The following RALGAPA1 variants were observed in gnomAD, a reference collection of about 807,000 sequenced individuals.
The protein encoded by RALGAPA1 is Ral GTPase activating protein catalytic subunit alpha 1.
RALGAPA1 carries 52 observed loss-of-function variants against 269.6 expected under a neutral mutation model. The ratio of observed to expected loss-of-function variants is 0.19; its 90% CI spans 0.15 to 0.24. RALGAPA1 has a LOEUF of 0.24. RALGAPA1 is among the 10% of genes least tolerant of loss of function. The pLI is 1.00. For synonymous variants in RALGAPA1, 817 were observed against 1,008.3 expected (o/e 0.81, Z 3.60); for missense variants, 1,917 against 3,013.9 (o/e 0.64, Z 8.52).
rs1223937961 is a variant in RALGAPA1 at position 35,775,624 on chromosome 14, T to C, written c.217+11A>G. On this transcript the variant is annotated intron_variant, in intron 2 of 41. Coordinates refer to ENST00000680220, the MANE Select transcript of RALGAPA1 (RefSeq NM_001346249.2). ...TATTAACATACGCCAAGATATATGT[T>C]AGCATCTTACCTTTCTGTTTAAGAC... The C allele has an allele frequency of 6.4e-7, 1 of 1,564,634 alleles. No individual in the cohort carries two copies. The highest frequency in any genetic ancestry group is 1.4e-5 in the African/African-American group (1 of 71,038).
In RALGAPA1 at chr14:35,615,928, T is replaced by C. The variant is rs568211540; in HGVS notation, c.6929+9433A>G. Among the ~76,000 whole-genome samples the C allele has an allele frequency of 4.6e-5, 7 of 152,152 alleles. No homozygotes were observed. The South Asian group carries it at 1.5e-3, about 32-fold the overall frequency. ...CATCAAATTTTAACATTAGAAAGAT[T>C]ATGTTAGTGGTCAGGATTGTCTAGA... On this transcript the variant is annotated intron_variant, in intron 35 of 41. Transcript: ENST00000680220.
At chr14:35,553,977 C>T (rs2055283096) in intron 39 of RALGAPA1, among the ~76,000 whole-genome samples, 1 of 152,140 alleles carries the variant, frequency 6.6e-6, no homozygotes, top group Non-Finnish European at 1.5e-5. Flanking sequence ...AGTTTCAGCA[C>T]TTAGGAATTT....
At position 35,709,300 on chromosome 14, in the gene RALGAPA1, G is replaced by A. The variant is rs569738703; in HGVS notation, c.2267-8998C>T. 1.6e-3 allele frequency among the ~76,000 whole-genome samples: 242 copies of A among 152,008 alleles called. 1 individual carries two copies. The highest frequency in any genetic ancestry group is 2.9e-3 in the Non-Finnish European group (194 of 67,942). On this transcript the variant is annotated intron_variant, in intron 16 of 41. Coordinates refer to ENST00000680220, the MANE Select transcript of RALGAPA1 (RefSeq NM_001346249.2). Reference sequence around the variant, plus strand: ...CCATTTACACTGATGTGATTAATACGCATTGTACTCCTGTATCAAAATATC... The same window carrying A: ...CCATTTACACTGATGTGATTAATACACATTGTACTCCTGTATCAAAATATC...
chr14:35,752,901 G>C (rs2072853656), intron 7 of RALGAPA1, among the ~76,000 whole-genome samples: 1 of 152,182 alleles, frequency 6.6e-6, no homozygotes, highest in South Asian at 2.1e-4. Context: ...ACAGGTAAGA[G>C]TTATAAATAT....
chr14:35,541,881 GAC>G (rs2054039610), intron 41 of RALGAPA1: 4 of 477,980 alleles, frequency 8.4e-6, no homozygotes, highest in Non-Finnish European at 8.1e-6. Flanking sequence ...AGATATGAGA[GAC>G]ACAGTGCAGA....
rs752906855 is a variant in RALGAPA1 at position 35,685,154 on chromosome 14, T to C, written c.4078-9A>G. ...CCTCTTCTTGTCATAGTCTAAACGT[T>C]CAAGAAATATTTTACCATTAAGAAA... On this transcript the variant is annotated splice_polypyrimidine_tract_variant and intron_variant, in intron 19 of 41. Transcript: ENST00000680220. 2 of 1,550,716 alleles carry C rather than the reference T, an allele frequency of 1.3e-6. No homozygotes were observed. The highest frequency in any genetic ancestry group is 1.7e-6 in the Non-Finnish European group (2 of 1,147,182).
At chr14:35,631,999 G>C (rs2061387254) in intron 33 of RALGAPA1, among the ~76,000 whole-genome samples, 1 of 152,102 alleles carries the variant, frequency 6.6e-6, no homozygotes, top group African/African-American at 2.4e-5. Flanking sequence ...AAATGAGCTT[G>C]TTCACAAGTC....
chr14:35,783,958 G>T (rs1053771935), intron 1 of RALGAPA1, among the ~76,000 whole-genome samples: 1 of 152,062 alleles, frequency 6.6e-6, no homozygotes, highest in African/African-American at 2.4e-5. Context: ...TACACTGCTG[G>T]TGGGAATATA....
Position 35,808,720 on chromosome 14 carries a change from C to A in RALGAPA1, c.106+10G>T. The A allele has an allele frequency of 1.9e-6, 3 of 1,608,976 alleles. No homozygotes were observed. Among genetic ancestry groups the A allele is most frequent in the Non-Finnish European group, 2.5e-6 (3 of 1,177,740 alleles). On this transcript the variant is annotated intron_variant, in intron 1 of 41. Coordinates refer to ENST00000680220, the MANE Select transcript of RALGAPA1 (RefSeq NM_001346249.2). ...CCCAGGCCTCGGCGCTGCCACCCCT[C>A]GCTCCTCACCGATGACGATGCGCAG...
At chr14:35,674,322 A>G in intron 23 of RALGAPA1, 44 bp from the exon 24 acceptor site, 3 of 1,483,258 alleles carry the variant, frequency 2.0e-6, no homozygotes, top group Admixed American at 1.8e-5. Flanking sequence ...GAAAACTGTT[A>G]TCTCTTCCAG....
rs944765272 is a variant in RALGAPA1, at chr14:35,750,360, T to G, written c.1011+122A>C. On this transcript the variant is annotated intron_variant, in intron 9 of 41. Coordinates refer to ENST00000680220, the MANE Select transcript of RALGAPA1 (RefSeq NM_001346249.2). ...TTAAAATTTGCATTTACAAAATATA[T>G]TTATACAAATAAAATAGCACTATTA... 9.2e-6 allele frequency: 5 copies of G among 542,302 alleles called. No homozygotes were observed. In the African/African-American group the frequency reaches 9.7e-5, roughly 10 times the overall value. The allele number at this position is 542,302 out of a possible 1,614,324, so 33.6% of individuals were successfully genotyped here. A position where few individuals can be genotyped will look rare whatever the true frequency, so the allele number is the denominator to read the frequency against.
At chr14:35,771,978 A>C (rs1485064317) in intron 3 of RALGAPA1, among the ~76,000 whole-genome samples, 1 of 152,150 alleles carries the variant, frequency 6.6e-6, no homozygotes, top group African/African-American at 2.4e-5. Flanking sequence ...TTTCATGAGA[A>C]CCCCATCAAA....
intron 35 of RALGAPA1, among the ~76,000 whole-genome samples, chr14:35,613,373 C>T (rs886770958): frequency 1.1e-4 from 17 of 152,224 alleles, no homozygotes; most frequent in Admixed American, 4.6e-4. Context: ...TGAGCCTCCA[C>T]GCCCAGTCAC....
At chr14:35,634,539 A>G in intron 33 of RALGAPA1, 35 bp downstream of exon 33, 15 of 1,538,106 alleles carry the variant, frequency 9.8e-6, no homozygotes, top group Non-Finnish European at 1.3e-5. Context: ...AGAGAACCCA[A>G]GCAACAATAT....
At chr14:35,581,125 T>C (rs1475591091) in intron 37 of RALGAPA1, among the ~76,000 whole-genome samples, 3 of 152,168 alleles carry the variant, frequency 2.0e-5, no homozygotes, top group Non-Finnish European at 4.4e-5. Flanking sequence ...AGTGATTTTT[T>C]ATCAGGGACA....
chr14:35,759,259 C>A (rs2073472897), intron 6 of RALGAPA1, among the ~76,000 whole-genome samples: 1 of 152,112 alleles, frequency 6.6e-6, no homozygotes, highest in African/African-American at 2.4e-5. Flanking sequence ...ACCACAAAAC[C>A]TAAATTTATA....
At chr14:35,541,881 G>C in intron 41 of RALGAPA1, 1 of 478,096 alleles carries the variant, frequency 2.1e-6, no homozygotes, top group Non-Finnish European at 4.0e-6. Context: ...AGATATGAGA[G>C]ACACAGTGCA....
At chr14:35,615,950 T>C (rs372978156) in intron 35 of RALGAPA1, among the ~76,000 whole-genome samples, 2 of 152,064 alleles carry the variant, frequency 1.3e-5, no homozygotes, top group African/African-American at 2.4e-5. Context: ...CAGGATTGTC[T>C]AGATGGGGAA....
intron 17 of RALGAPA1, among the ~76,000 whole-genome samples, chr14:35,692,876 T>C (rs1305184920): frequency 6.6e-6 from 1 of 151,972 alleles, no homozygotes; most frequent in East Asian, 1.9e-4. Context: ...AGAAAAAGAC[T>C]AAATAATAAC....
Sources: gnomAD v4.1 joint callset for allele counts (sites outside exome capture counted in the v4.1 genomes callset) on GRCh38, gnomAD v4.1.1 for gene constraint, MANE v1.5 for transcripts, NCBI Gene and HGNC (gene_info 2026-07-23, HGNC 2026-07-21) for gene names.